GFRAL: variants seen among roughly 807,000 people sequenced by gnomAD.
The protein encoded by GFRAL is GDNF family receptor alpha like, also known as GDNF family receptor alpha-like.
Under a neutral mutation model 45.4 loss-of-function variants are expected in GFRAL, and 36 were observed. That is an observed-to-expected ratio of 0.79 (90% CI 0.61 to 1.05). GFRAL has a LOEUF of 1.05. Among genes scored for constraint, GFRAL ranks in the 50% least tolerant of loss-of-function variants. The pLI is 0.00. For missense variants in GFRAL, 507 were observed against 467.5 expected (o/e 1.08, Z -0.78); for synonymous variants, 166 against 154.1 (o/e 1.08, Z -0.57).
chr6:55,348,422 A>G (rs928552221), intron 3 of GFRAL, among the ~76,000 whole-genome samples: 1 of 152,128 alleles, frequency 6.6e-6, no homozygotes, highest in Admixed American at 6.6e-5. Flanking sequence ...CTCATATAGT[A>G]AGTAAATTAG....
Position 55,351,639 on chromosome 6 carries a change from T to A in GFRAL, c.701+56T>A, listed in dbSNP as rs544405975. On this transcript the variant is annotated intron_variant, in intron 5 of 8. Coordinates refer to ENST00000340465, the MANE Select transcript of GFRAL (RefSeq NM_207410.2). ...TATTTCGGCACCTTATTTGTTATAG[T>A]CCAGTCCTAACACTTGATCTCATAA... is the stretch of plus-strand genomic sequence containing the variant. The A allele has an allele frequency of 1.8e-5, 23 of 1,283,112 alleles. No individual in the cohort carries two copies. The African/African-American group carries it at 3.4e-4, about 19-fold the overall frequency. 79.5% of individuals were successfully genotyped at this position (1,283,112 alleles called of 1,614,324 possible).
chr6:55,391,983 G>A (rs1025843707), intron 6 of GFRAL, among the ~76,000 whole-genome samples: 1 of 152,112 alleles, frequency 6.6e-6, no homozygotes, highest in African/African-American at 2.4e-5. Flanking sequence ...AATTTCTGCT[G>A]TTGCTTTCTA....
intron 6 of GFRAL, among the ~76,000 whole-genome samples, chr6:55,370,906 T>C (rs1343487721): frequency 6.6e-6 from 1 of 152,232 alleles, no homozygotes; most frequent in East Asian, 1.9e-4. Flanking sequence ...CACATGTGTG[T>C]TTCTGTGTCT....
intron 6 of GFRAL, among the ~76,000 whole-genome samples, chr6:55,364,842 C>T (rs1396487451): frequency 1.3e-5 from 2 of 152,074 alleles, no homozygotes; most frequent in East Asian, 3.8e-4. Context: ...GTTACTGTAG[C>T]CTTGTAGTAT....
chr6:55,369,940 C>T (rs1260269515), intron 6 of GFRAL, among the ~76,000 whole-genome samples: 1 of 152,160 alleles, frequency 6.6e-6, no homozygotes, highest in African/African-American at 2.4e-5. Flanking sequence ...TGCATACCTC[C>T]TTAATGATCC....
rs1471898574 is a variant in GFRAL, at chr6:55,399,217, G to A, written c.990G>A (p.Leu330=). ...PTLSNVKGMA[L]YTRKHANKIT... ...TGTCTAATGTCAAAGGCATGGCATT[G>A]TATACAAGAAAACATGCAAACAAAA... Residue 330 remains leucine (L), a synonymous_variant, in exon 7 of 9, where the codon TTG becomes TTA. Coordinates refer to ENST00000340465, the MANE Select transcript of GFRAL (RefSeq NM_207410.2). 6.2e-7 allele frequency: 1 copy of A among 1,606,216 alleles called. No homozygotes were observed. The highest frequency in any genetic ancestry group is 8.5e-7 in the Non-Finnish European group (1 of 1,174,854).
intron 2 of GFRAL, among the ~76,000 whole-genome samples, chr6:55,332,951 T>TTACAGTATAATCTATC: frequency 6.6e-6 from 1 of 152,078 alleles, no homozygotes; most frequent in Admixed American, 6.6e-5. Context: ...TCTATACAGA[T>TTACAGTATAATCTATC]TACAGTATAA....
rs201443192 is a variant in GFRAL at position 55,358,890 on chromosome 6, G to C, written c.704G>C (p.Arg235Thr). ...RSCQNDELCR[R>T]HYRTFQSKCW... ...ATTTTTCTTCACTCTTTCTCTAGGA[G>C]GCACTATAGAACATTTCAGTCAAAA... Residue 235 changes from arginine (R) to threonine (T), a missense_variant and splice_region_variant, in exon 6 of 9, where the codon AGG becomes ACG. Coordinates refer to ENST00000340465, the MANE Select transcript of GFRAL (RefSeq NM_207410.2). The C allele has an allele frequency of 1.9e-6, 3 of 1,611,586 alleles. No individual in the cohort carries two copies. Among genetic ancestry groups the C allele is most frequent in the Admixed American group, 1.7e-5 (1 of 59,762 alleles).
chr6:55,395,109 C>T (rs897587119), intron 6 of GFRAL, among the ~76,000 whole-genome samples: 1 of 148,208 alleles, frequency 6.7e-6, no homozygotes, highest in African/African-American at 2.5e-5. Context: ...AAAGAGTGTT[C>T]TCTTTCTTTT....
chr6:55,342,038 C>G (rs1767973369), intron 3 of GFRAL, among the ~76,000 whole-genome samples: 1 of 152,168 alleles, frequency 6.6e-6, no homozygotes, highest in Non-Finnish European at 1.5e-5. Context: ...AAGACCAAAT[C>G]TACATCTGAT....
At chr6:55,382,145 A>T (rs1768619176) in intron 6 of GFRAL, among the ~76,000 whole-genome samples, 1 of 151,912 alleles carries the variant, frequency 6.6e-6, no homozygotes, top group Non-Finnish European at 1.5e-5. Flanking sequence ...GCCTCTAAAC[A>T]GTCCAGTATT....
chr6:55,379,683 ACT>A (rs1272862673), intron 6 of GFRAL, among the ~76,000 whole-genome samples: 1 of 151,540 alleles, frequency 6.6e-6, no homozygotes, highest in African/African-American at 2.4e-5. Context: ...CTTTGCATTC[ACT>A]CTCTCAGCAT....
chr6:55,372,391 T>C (rs917064959), intron 6 of GFRAL, among the ~76,000 whole-genome samples: 10 of 152,160 alleles, frequency 6.6e-5, no homozygotes, highest in Non-Finnish European at 2.9e-5. Context: ...TCCTACTTGA[T>C]ATATTCTTTA....
intron 6 of GFRAL, among the ~76,000 whole-genome samples, chr6:55,368,977 G>C (rs887175393): frequency 6.6e-6 from 1 of 152,052 alleles, no homozygotes; most frequent in African/African-American, 2.4e-5. Flanking sequence ...CACCCAGTTG[G>C]AGCTTCCCGG....
chr6:55,394,339 TAAGGGGAGGGGCAGGACTGAATCTTATTA>T (rs1768793789), intron 6 of GFRAL, among the ~76,000 whole-genome samples: 1 of 152,008 alleles, frequency 6.6e-6, no homozygotes, highest in South Asian at 2.1e-4. Flanking sequence ...TCTTCTTACT[TAAGGGGAGGGGCAGGACTGAATCTTATTA>T]AAGGGAAGGG....
chr6:55,368,817 G>A (rs545366029), intron 6 of GFRAL, among the ~76,000 whole-genome samples: 49 of 152,314 alleles, frequency 3.2e-4, no homozygotes, highest in Middle Eastern at 3.4e-3. Flanking sequence ...CTGCAGCTGC[G>A]TGCTGGGGGA....
intron 6 of GFRAL, among the ~76,000 whole-genome samples, chr6:55,375,650 A>G (rs1215031088): frequency 6.6e-6 from 1 of 151,960 alleles, no homozygotes; most frequent in Non-Finnish European, 1.5e-5. Flanking sequence ...TTCCAATACT[A>G]TGTTGAATAG....
chr6:55,361,542 AAT>A (rs1364196831), intron 6 of GFRAL, among the ~76,000 whole-genome samples: 1 of 151,768 alleles, frequency 6.6e-6, no homozygotes, highest in Non-Finnish European at 1.5e-5. Context: ...TTTTCTCTCA[AAT>A]ATTTTGATCC....
At chr6:55,395,536 C>T (rs147129331) in intron 6 of GFRAL, among the ~76,000 whole-genome samples, 2,568 of 150,954 alleles carry the variant, frequency 0.017, 40 homozygotes, top group South Asian at 0.034. Flanking sequence ...GCATTTTTTC[C>T]CCCAAACTGA....
Sources: allele counts gnomAD v4.1 joint callset (sites outside exome capture counted in the v4.1 genomes callset), GRCh38; gene constraint gnomAD v4.1.1; transcripts MANE v1.5; gene names NCBI Gene and HGNC (gene_info 2026-07-23, HGNC 2026-07-21).